SAXO1: variants seen among roughly 807,000 people sequenced by gnomAD.
SAXO1 encodes the protein stabilizer of axonemal microtubules 1.
Under a neutral mutation model 17.5 loss-of-function variants are expected in SAXO1, and 21 were observed. The observed-to-expected ratio is 1.20, with a 90% CI of 0.85 to 1.72. SAXO1 has a LOEUF of 1.72. SAXO1 is among the 40% of genes most tolerant of loss of function. The pLI, the probability that SAXO1 is intolerant of heterozygous loss-of-function variation, is 0.00. For synonymous variants in SAXO1, 274 were observed against 216.5 expected (o/e 1.27, Z -2.33); for missense variants, 843 against 596.0 (o/e 1.41, Z -4.32).
At chr9:18,957,570 T>A (rs530496693) in intron 1 of SAXO1, among the ~76,000 whole-genome samples, 1 of 152,338 alleles carries the variant, frequency 6.6e-6, no homozygotes, top group South Asian at 2.1e-4. Flanking sequence ...TCACAGCTGC[T>A]GTTCAAGGGA....
chr9:18,962,714 G>C (rs1389524825), intron 1 of SAXO1, among the ~76,000 whole-genome samples: 1 of 152,164 alleles, frequency 6.6e-6, no homozygotes, highest in Non-Finnish European at 1.5e-5. Context: ...CCCTTTGTCA[G>C]ATGGACAGAT....
intron 1 of SAXO1, among the ~76,000 whole-genome samples, chr9:18,956,314 C>A (rs1404915599): frequency 1.3e-5 from 2 of 152,096 alleles, no homozygotes; most frequent in Admixed American, 6.6e-5. Context: ...AAATCCATGA[C>A]CATTTCCCCT....
chr9:19,033,604 G>A (rs971201911), upstream of SAXO1, among the ~76,000 whole-genome samples: 21 of 152,242 alleles, frequency 1.4e-4, no homozygotes, highest in African/African-American at 4.3e-4. Context: ...GGCTTCAGAT[G>A]TCTGTTAGAA....
intron 1 of SAXO1, among the ~76,000 whole-genome samples, chr9:18,985,716 G>A (rs374537681): frequency 1.3e-5 from 2 of 152,140 alleles, no homozygotes; most frequent in South Asian, 2.1e-4. Flanking sequence ...TTTCTGTTCC[G>A]GCAGCTGCAT....
chr9:19,040,381 G>T (rs1588576077), intron 1 of SAXO1, among the ~76,000 whole-genome samples: 1 of 152,224 alleles, frequency 6.6e-6, no homozygotes, highest in African/African-American at 2.4e-5. Flanking sequence ...AAAAGAAAAA[G>T]GGCTGAGCAC....
At chr9:18,931,917 C>G (rs989384682) in intron 3 of SAXO1, among the ~76,000 whole-genome samples, 1 of 152,160 alleles carries the variant, frequency 6.6e-6, no homozygotes, top group African/African-American at 2.4e-5. Context: ...AAATCTTACA[C>G]CAGGTATGTG....
At chr9:19,047,864 G>C (rs1228382151) in intron 1 of SAXO1, among the ~76,000 whole-genome samples, 2 of 152,202 alleles carry the variant, frequency 1.3e-5, no homozygotes, top group Non-Finnish European at 2.9e-5. Context: ...GAGAAGATGT[G>C]AAATCAGGAA....
At chr9:18,970,410 TAGGATCACCCTCAACTGTTACCTTTG>T (rs1450299195) in intron 1 of SAXO1, among the ~76,000 whole-genome samples, 2 of 152,176 alleles carry the variant, frequency 1.3e-5, no homozygotes, top group Non-Finnish European at 2.9e-5. Flanking sequence ...AGGTATTGGC[TAGGATCACCCTCAACTGTTACCTTTG>T]AGGTCAGATT....
chr9:19,044,940 A>G (rs567493188), intron 1 of SAXO1, among the ~76,000 whole-genome samples: 1 of 152,080 alleles, frequency 6.6e-6, no homozygotes, highest in Non-Finnish European at 1.5e-5. Flanking sequence ...GAACCTCCAA[A>G]TGGTTCAAGA....
At chr9:19,048,685 G>A (rs1836279596) in intron 1 of SAXO1, among the ~76,000 whole-genome samples, 1 of 152,224 alleles carries the variant, frequency 6.6e-6, no homozygotes. Flanking sequence ...TAGTATCTGT[G>A]TAACTTGGTC....
chr9:18,998,897 GC>G (rs1563971165), intron 1 of SAXO1, among the ~76,000 whole-genome samples: 1 of 152,188 alleles, frequency 6.6e-6, no homozygotes, highest in African/African-American at 2.4e-5. Context: ...TTTACAGAAA[GC>G]AAATGCTGAG....
At chr9:19,025,741 A>AC (rs1835445427) in intron 1 of SAXO1, among the ~76,000 whole-genome samples, 1 of 152,370 alleles carries the variant, frequency 6.6e-6, no homozygotes, top group African/African-American at 2.4e-5. Context: ...TAAAATAATC[A>AC]GATATAAAAG....
intron 1 of SAXO1, among the ~76,000 whole-genome samples, chr9:19,014,500 A>G (rs1031061685): frequency 2.0e-5 from 3 of 147,446 alleles, no homozygotes; most frequent in African/African-American, 7.4e-5. Context: ...AATTTTAAAA[A>G]TTTAAAAAAA....
chr9:18,929,129 A>G, intron 3 of SAXO1, 74 bp from the exon 4 acceptor site: 4 of 1,517,214 alleles, frequency 2.6e-6, no homozygotes, highest in South Asian at 1.3e-5. Flanking sequence ...CAGAGCCCCA[A>G]GGTCTTAAGG....
intron 1 of SAXO1, chr9:19,027,833 CG>C (rs1005289375): frequency 7.6e-6 from 11 of 1,449,228 alleles, no homozygotes; most frequent in South Asian, 1.2e-5. Context: ...AGTCACAAAC[CG>C]GGTGGACATC....
intron 1 of SAXO1, among the ~76,000 whole-genome samples, chr9:19,048,178 G>A (rs117359249): frequency 0.011 from 1,639 of 152,312 alleles, 18 homozygotes; most frequent in Non-Finnish European, 0.016. Flanking sequence ...TTTGATAAGG[G>A]CTTTAGGCCA....
At chr9:19,012,608 C>T (rs1241748907) in intron 1 of SAXO1, among the ~76,000 whole-genome samples, 1 of 152,216 alleles carries the variant, frequency 6.6e-6, no homozygotes, top group Non-Finnish European at 1.5e-5. Context: ...GGCAGAGGGG[C>T]TCAACCCACC....
At chr9:18,999,010 G>A (rs1425006669) in intron 1 of SAXO1, among the ~76,000 whole-genome samples, 1 of 152,130 alleles carries the variant, frequency 6.6e-6, no homozygotes, top group Non-Finnish European at 1.5e-5. Context: ...CATGCCAAAT[G>A]GTAAAGACCA....
At chr9:18,959,926 G>A (rs1832416191) in intron 1 of SAXO1, among the ~76,000 whole-genome samples, 1 of 152,202 alleles carries the variant, frequency 6.6e-6, no homozygotes, top group Admixed American at 6.5e-5. Flanking sequence ...ACTTTCATCA[G>A]CAGCAATGCA....
Sources: allele counts gnomAD v4.1 joint callset (sites outside exome capture counted in the v4.1 genomes callset), GRCh38; gene constraint gnomAD v4.1.1; transcripts MANE v1.5; gene names NCBI Gene and HGNC (gene_info 2026-07-23, HGNC 2026-07-21).